The following LMNB1 variants were observed in gnomAD, a reference collection of about 807,000 sequenced individuals.
LMNB1 encodes the protein lamin-B1.
Under a neutral mutation model 67.1 loss-of-function variants are expected in LMNB1, and 23 were observed. The ratio of observed to expected loss-of-function variants is 0.34; its 90% CI spans 0.25 to 0.49. The LOEUF is 0.49. Ranked by LOEUF, LMNB1 falls within the 20% of genes least tolerant of loss-of-function variation. The probability of loss-of-function intolerance (pLI) is 0.99; values close to 1 mark genes in which losing one functional copy is unlikely to be tolerated. For synonymous variants in LMNB1, 281 were observed against 282.9 expected, an observed-to-expected ratio of 0.99 and a Z score of 0.07; for missense variants, 634 against 746.5, an observed-to-expected ratio of 0.85 and a Z score of 1.76.
At chr5:126,793,968 T>C (rs1303848127) in intron 1 of LMNB1, among the ~76,000 whole-genome samples, 2 of 152,058 alleles carry the variant, frequency 1.3e-5, no homozygotes, top group African/African-American at 4.8e-5. Flanking sequence ...GGAATCTCGC[T>C]TTGTTGCCCA....
chr5:126,831,650 C>G (rs574148667), intron 9 of LMNB1, among the ~76,000 whole-genome samples: 1 of 152,286 alleles, frequency 6.6e-6, no homozygotes, highest in Admixed American at 6.5e-5. Context: ...CTGGTAGTCC[C>G]TGAGATCACA....
intron 5 of LMNB1, chr5:126,815,334 A>G (rs928073856): frequency 1.3e-5 from 2 of 152,150 alleles, no homozygotes; most frequent in Admixed American, 6.5e-5. Flanking sequence ...TAATATATAG[A>G]TGGTAGCAGT....
At chr5:126,820,841 T>TG in intron 6 of LMNB1, 69 bp from the exon 7 acceptor site, 1 of 742,552 alleles carries the variant, frequency 1.3e-6, no homozygotes, top group Non-Finnish European at 1.8e-6. Context: ...GTTTTTTTGT[T>TG]TTTTTTTTTT....
At chr5:126,832,328 C>A (rs1385629626) in intron 9 of LMNB1, among the ~76,000 whole-genome samples, 1 of 148,668 alleles carries the variant, frequency 6.7e-6, no homozygotes, top group African/African-American at 2.5e-5. Context: ...TTTTTTTTTT[C>A]TTTTTTGAGA....
intron 1 of LMNB1, among the ~76,000 whole-genome samples, chr5:126,800,363 G>A (rs1751239428): frequency 6.6e-6 from 1 of 152,122 alleles, no homozygotes; most frequent in Admixed American, 6.6e-5. Context: ...GCATTACAGA[G>A]GAAGGATGAC....
In LMNB1 at chr5:126,803,166, A is replaced by G. The variant is rs556656805; in HGVS notation, c.360-1610A>G. Among the ~76,000 whole-genome samples the G allele has an allele frequency of 2.1e-5, 3 of 145,440 alleles. No homozygotes were observed. The South Asian group carries it at 7.2e-4, about 35-fold the overall frequency. On this transcript the variant is annotated intron_variant, in intron 1 of 10. Transcript: ENST00000261366. ...GCCCCACTGCGCTCCAGCCTAGGTG[A>G]TGGTGAGATGCCATCTCAAAAAAAA...
intron 1 of LMNB1, among the ~76,000 whole-genome samples, chr5:126,778,193 G>A (rs1390043041): frequency 4.6e-5 from 7 of 152,090 alleles, no homozygotes; most frequent in Non-Finnish European, 2.9e-5. Flanking sequence ...GGGAGCCGGC[G>A]CGGAGAGGCG....
At chr5:126,787,538 A>ATT (rs1750832323) in intron 1 of LMNB1, among the ~76,000 whole-genome samples, 1 of 48,220 alleles carries the variant, frequency 2.1e-5, no homozygotes, top group Non-Finnish European at 4.7e-5. Context: ...ATATATATAT[A>ATT]TATATATATT....
chr5:126,787,066 A>G (rs1750805563), intron 1 of LMNB1, among the ~76,000 whole-genome samples: 1 of 152,174 alleles, frequency 6.6e-6, no homozygotes, highest in Non-Finnish European at 1.5e-5. Flanking sequence ...CCAGGTCTTG[A>G]ACCAGATGCT....
intron 1 of LMNB1, among the ~76,000 whole-genome samples, chr5:126,800,982 A>ATATATATATATATAATTTTTTTTT: frequency 3.8e-4 from 7 of 18,626 alleles, no homozygotes; most frequent in South Asian, 2.8e-3. Context: ...TATATATATA[A>ATATATATATATATAATTTTTTTTT]TTTTTTTTTT....
chr5:126,782,441 G>C (rs571776085), intron 1 of LMNB1, among the ~76,000 whole-genome samples: 3 of 152,338 alleles, frequency 2.0e-5, no homozygotes, highest in Admixed American at 1.3e-4. Context: ...GAGAAAGACA[G>C]ATTGAAAATA....
intron 1 of LMNB1, among the ~76,000 whole-genome samples, chr5:126,798,152 AAC>A (rs757406442): frequency 2.7e-5 from 4 of 150,436 alleles, no homozygotes; most frequent in Non-Finnish European, 4.4e-5. Flanking sequence ...CAAACAAACA[AAC>A]AAACAAACAA....
intron 8 of LMNB1, among the ~76,000 whole-genome samples, chr5:126,823,177 A>G (rs1751912765): frequency 6.6e-6 from 1 of 152,240 alleles, no homozygotes; most frequent in African/African-American, 2.4e-5. Context: ...CTTGGCATAA[A>G]GAACTGTTAA....
intron 5 of LMNB1, among the ~76,000 whole-genome samples, chr5:126,812,955 TC>T (rs1361909984): frequency 1.3e-5 from 2 of 152,152 alleles, no homozygotes; most frequent in African/African-American, 4.8e-5. Flanking sequence ...GGTCTCGATC[TC>T]CTGACCTCAT....
Position 126,818,973 on chromosome 5 carries a change from G to GA in LMNB1, c.996dup (p.Asp333ArgfsTer27). ...AGAATTAGAGGACTTGCTTGCTAAA[G>GA]AAAAAGACAACTCTCGTCGCATGCT... On this transcript the variant is annotated frameshift_variant, in exon 6 of 11. Transcript: ENST00000261366. LOFTEE classifies it high-confidence loss of function. 1 of 1,614,148 alleles carries GA rather than the reference G, an allele frequency of 6.2e-7. No individual in the cohort carries two copies. Among genetic ancestry groups the GA allele is most frequent in the Non-Finnish European group, 8.5e-7 (1 of 1,180,000 alleles).
intron 1 of LMNB1, among the ~76,000 whole-genome samples, chr5:126,787,546 A>ATATATATATTTTT: frequency 9.2e-5 from 6 of 65,566 alleles, no homozygotes; most frequent in Admixed American, 6.5e-4. Context: ...ATATATATAT[A>ATATATATATTTTT]TTTTTTTTTT....
chr5:126,798,548 A>G (rs1027460372), intron 1 of LMNB1, among the ~76,000 whole-genome samples: 22 of 152,214 alleles, frequency 1.4e-4, no homozygotes, highest in Non-Finnish European at 2.9e-4. Context: ...TTCATGATTC[A>G]TTCAGCCTGG....
chr5:126,825,343 A>G (rs1358034183), intron 8 of LMNB1, among the ~76,000 whole-genome samples: 5 of 152,234 alleles, frequency 3.3e-5, no homozygotes, highest in African/African-American at 1.2e-4. Flanking sequence ...TCCCTTGAAC[A>G]GCGAGTGATT....
chr5:126,787,503 A>ATATAACATATACTTTATG (rs1750825573), intron 1 of LMNB1, among the ~76,000 whole-genome samples: 4 of 139,784 alleles, frequency 2.9e-5, no homozygotes, highest in Admixed American at 7.5e-5. Flanking sequence ...TATATGTTAT[A>ATATAACATATACTTTATG]TATAACGTGT....
Sources: gnomAD v4.1 joint callset for allele counts (sites outside exome capture counted in the v4.1 genomes callset) on GRCh38, gnomAD v4.1.1 for gene constraint, MANE v1.5 for transcripts, NCBI Gene and HGNC (gene_info 2026-07-23, HGNC 2026-07-21) for gene names.